CCDC178: variants seen among roughly 807,000 people sequenced by gnomAD.
CCDC178 encodes the protein coiled-coil domain containing 178.
CCDC178 carries 126 observed loss-of-function variants against 117.4 expected under a neutral mutation model. The observed-to-expected ratio is 1.07, with a 90% CI of 0.93 to 1.24. CCDC178 has a LOEUF of 1.24. Ranked by LOEUF, CCDC178 falls within the 50% of genes most tolerant of loss-of-function variation. CCDC178 has a pLI of 0.00. For missense variants in CCDC178, 1,030 were observed against 986.9 expected, an observed-to-expected ratio of 1.04 and a Z score of -0.59; for synonymous variants, 283 against 313.4, an observed-to-expected ratio of 0.90 and a Z score of 1.02.
At position 33,354,806 on chromosome 18, in the gene CCDC178, G is replaced by A. The variant is rs192657232; in HGVS notation, c.371+1518C>T. Among the ~76,000 whole-genome samples, 915 of 152,016 alleles carry A rather than the reference G, an allele frequency of 6.0e-3. 5 individuals carry two copies. Among genetic ancestry groups the A allele is most frequent in the Admixed American group, 0.017 (260 of 15,254 alleles). Reference sequence around the variant, plus strand: ...TTGTATTTGTTTTTAGTAAAGACGGGGTTTCACCATATTGGCCAGGCTGGT... The same window carrying A: ...TTGTATTTGTTTTTAGTAAAGACGGAGTTTCACCATATTGGCCAGGCTGGT... On this transcript the variant is annotated intron_variant, in intron 7 of 22. Coordinates refer to ENST00000383096, the MANE Select transcript of CCDC178 (RefSeq NM_001105528.4).
chr18:33,338,508 T>C (rs987318557), intron 9 of CCDC178, among the ~76,000 whole-genome samples: 1 of 152,130 alleles, frequency 6.6e-6, no homozygotes, highest in East Asian at 1.9e-4. Context: ...CAAATGCCCA[T>C]TAATCACTTA....
In CCDC178 at chr18:33,099,670, A is replaced by G. The variant is rs2057595250; in HGVS notation, c.2239-6760T>C. 2.0e-5 allele frequency among the ~76,000 whole-genome samples: 3 copies of G among 151,950 alleles called. No homozygotes were observed. In the South Asian group the frequency reaches 6.2e-4, roughly 31 times the overall value. ...CACCTACAGTGTGCATAGAAGCATTATTGCATTGCTGCTCCCTTAAAATCT... is the reference window on the plus strand; with the variant it reads ...CACCTACAGTGTGCATAGAAGCATTGTTGCATTGCTGCTCCCTTAAAATCT... On this transcript the variant is annotated intron_variant, in intron 20 of 22. Coordinates refer to ENST00000383096, the MANE Select transcript of CCDC178 (RefSeq NM_001105528.4).
intron 21 of CCDC178, among the ~76,000 whole-genome samples, chr18:33,052,879 T>C (rs2056768754): frequency 6.6e-6 from 1 of 152,184 alleles, no homozygotes; most frequent in Non-Finnish European, 1.5e-5. Flanking sequence ...AAATTCCTGA[T>C]ATTGGTAAGT....
At chr18:33,014,855 G>A (rs2055947424) in intron 21 of CCDC178, among the ~76,000 whole-genome samples, 1 of 151,962 alleles carries the variant, frequency 6.6e-6, no homozygotes, top group South Asian at 2.1e-4. Flanking sequence ...CAAATAACAA[G>A]AACAAAAAAC....
intron 12 of CCDC178, among the ~76,000 whole-genome samples, chr18:33,282,682 T>A (rs750082339): frequency 6.6e-6 from 1 of 152,110 alleles, no homozygotes; most frequent in South Asian, 2.1e-4. Context: ...ACTCACCACA[T>A]CACTACCTGG....
chr18:33,213,533 C>G lies in CCDC178; in HGVS notation c.2079-1478G>C, dbSNP rs562775397. Among the ~76,000 whole-genome samples, 4 of 151,958 alleles carry G rather than the reference C, an allele frequency of 2.6e-5. No homozygotes were observed. The East Asian group carries it at 7.8e-4, about 30-fold the overall frequency. ...AGTGTGACCAAAACGATAAAATGTT[C>G]ATAGTTGATCCCAAAAAAACATTGA... On this transcript the variant is annotated intron_variant, in intron 19 of 22. Transcript: ENST00000383096.
chr18:33,405,320 T>A (rs1015674714), intron 3 of CCDC178, among the ~76,000 whole-genome samples: 1 of 151,632 alleles, frequency 6.6e-6, no homozygotes, highest in East Asian at 1.9e-4. Context: ...TCTATATCCA[T>A]TAAAAGATAA....
intron 10 of CCDC178, among the ~76,000 whole-genome samples, chr18:33,329,876 AGTGT>A (rs67627028): frequency 0.46 from 60,894 of 130,972 alleles, 14,848 homozygotes; most frequent in South Asian, 0.55. Context: ...GAATTATTAG[AGTGT>A]GTGTGTGTGT....
At chr18:33,179,076 AAAAT>A (rs2058697756) in intron 20 of CCDC178, among the ~76,000 whole-genome samples, 1 of 88,714 alleles carries the variant, frequency 1.1e-5, no homozygotes, top group African/African-American at 6.5e-5. Context: ...AAAAAAAAAA[AAAAT>A]ATATATATAT....
chr18:33,085,492 G>A (rs1363328943), intron 21 of CCDC178, among the ~76,000 whole-genome samples: 1 of 152,166 alleles, frequency 6.6e-6, no homozygotes, highest in Non-Finnish European at 1.5e-5. Flanking sequence ...GAACCTGGGA[G>A]GCGGAGCTTG....
intron 3 of CCDC178, among the ~76,000 whole-genome samples, chr18:33,404,597 C>G (rs933446168): frequency 6.6e-6 from 1 of 152,034 alleles, no homozygotes; most frequent in Non-Finnish European, 1.5e-5. Flanking sequence ...CCCAGCAATT[C>G]CATTCCTAAC....
chr18:33,161,507 T>C (rs1598946979), intron 20 of CCDC178, among the ~76,000 whole-genome samples: 1 of 152,218 alleles, frequency 6.6e-6, no homozygotes, highest in East Asian at 1.9e-4. Flanking sequence ...ATTCATATTT[T>C]ATAGATATAT....
chr18:33,390,125 AATAAG>A (rs1205936796), intron 4 of CCDC178, among the ~76,000 whole-genome samples: 6 of 150,862 alleles, frequency 4.0e-5, no homozygotes, highest in Non-Finnish European at 5.9e-5. Flanking sequence ...ATTATAAATA[AATAAG>A]ATATGTAGGA....
intron 21 of CCDC178, among the ~76,000 whole-genome samples, chr18:33,086,425 TAC>T (rs574137969): frequency 1.1e-3 from 162 of 147,870 alleles, no homozygotes; most frequent in East Asian, 3.5e-3. Context: ...TAAATATATA[TAC>T]ACACACACAC....
At chr18:32,949,754 C>A (rs939193328) in intron 22 of CCDC178, among the ~76,000 whole-genome samples, 2 of 152,084 alleles carry the variant, frequency 1.3e-5, no homozygotes, top group African/African-American at 2.4e-5. Context: ...GTATTTTTTG[C>A]ATTCCTGGAT....
chr18:33,346,468 T>C (rs1284132223), intron 8 of CCDC178, 57 bp from the exon 9 acceptor site: 36 of 1,021,048 alleles, frequency 3.5e-5, no homozygotes, highest in Non-Finnish European at 5.2e-5. Context: ...AGCTGGATGA[T>C]GGGAACATGG....
At chr18:33,172,828 G>A (rs147031792) in intron 20 of CCDC178, among the ~76,000 whole-genome samples, 206 of 152,190 alleles carry the variant, frequency 1.4e-3, no homozygotes, top group African/African-American at 4.8e-3. Flanking sequence ...AATGAAGGAT[G>A]CATAATTCTT....
intron 2 of CCDC178, among the ~76,000 whole-genome samples, chr18:33,439,345 A>T (rs1193013673): frequency 6.6e-6 from 1 of 151,038 alleles, no homozygotes; most frequent in African/African-American, 2.4e-5. Flanking sequence ...GGAGCAGGAG[A>T]GAGAAGTCTG....
At chr18:33,342,431 T>C (rs1037889987) in intron 9 of CCDC178, among the ~76,000 whole-genome samples, 3 of 152,218 alleles carry the variant, frequency 2.0e-5, no homozygotes, top group Non-Finnish European at 4.4e-5. Flanking sequence ...TAATTTCTTA[T>C]CATATAGATT....
Sources: gnomAD v4.1 joint callset for allele counts (sites outside exome capture counted in the v4.1 genomes callset) on GRCh38, gnomAD v4.1.1 for gene constraint, MANE v1.5 for transcripts, NCBI Gene and HGNC (gene_info 2026-07-23, HGNC 2026-07-21) for gene names.